Variants in SSH2 observed in about 807,000 individuals in gnomAD.
SSH2 encodes the protein protein phosphatase Slingshot homolog 2.
In SSH2, 37 loss-of-function variants were observed where a neutral mutation model predicts 135.2. The ratio of observed to expected loss-of-function variants is 0.27; its 90% CI spans 0.21 to 0.36. The LOEUF is 0.36. Ranked by LOEUF, SSH2 falls within the 10% of genes least tolerant of loss-of-function variation. SSH2 has a pLI of 1.00. For synonymous variants in SSH2, 628 were observed against 646.2 expected (o/e 0.97, Z 0.43); for missense variants, 1,408 against 1,765.3 (o/e 0.80, Z 3.63).
intron 3 of SSH2, among the ~76,000 whole-genome samples, chr17:29,722,607 T>C (rs995251526): frequency 6.6e-6 from 1 of 152,190 alleles, no homozygotes; most frequent in Non-Finnish European, 1.5e-5. Context: ...GAAGATAACA[T>C]GGCAGGAATG....
rs115048798 is a variant in SSH2, at chr17:29,631,641, C to G, written c.3553G>C (p.Val1185Leu). Reference sequence around the variant, plus strand: ...CTCTCCTGACTTTCTTCCCAGCTAACCTGTTCTGCAGAGGGCTCATCTGTA... The same window carrying G: ...CTCTCCTGACTTTCTTCCCAGCTAAGCTGTTCTGCAGAGGGCTCATCTGTA... Reference protein sequence around the residue: ...STTDEPSAEQVSWEESQESPL... With the variant: ...STTDEPSAEQLSWEESQESPL... Residue 1185 changes from valine to leucine, a missense_variant, in exon 16 of 16, where the codon GTT becomes CTT. Coordinates refer to ENST00000540801, the MANE Select transcript of SSH2 (RefSeq NM_001282129.2). The G allele has an allele frequency of 2.4e-4, 395 of 1,614,212 alleles. No individual in the cohort carries two copies. In the African/African-American group the frequency reaches 4.5e-3, roughly 19 times the overall value.
chr17:29,634,584 C>G (rs1020394812), intron 15 of SSH2, among the ~76,000 whole-genome samples: 1 of 152,158 alleles, frequency 6.6e-6, no homozygotes, highest in African/African-American at 2.4e-5. Flanking sequence ...GACGGAGTCT[C>G]GCTCTGTTGC....
chr17:29,752,409 C>A (rs1275728003), intron 3 of SSH2, among the ~76,000 whole-genome samples: 1 of 151,902 alleles, frequency 6.6e-6, no homozygotes, highest in Non-Finnish European at 1.5e-5. Flanking sequence ...TGTAGCATTT[C>A]AAATTAGTGA....
At chr17:29,910,326 T>TAA (rs11374383) in intron 1 of SSH2, among the ~76,000 whole-genome samples, 13 of 151,254 alleles carry the variant, frequency 8.6e-5, no homozygotes, top group South Asian at 2.1e-4. Context: ...TTGTAACCTA[T>TAA]AAAAAAAAAT....
In SSH2 at chr17:29,793,967, T is replaced by G. The variant is rs1322270343; in HGVS notation, c.145-30A>C. 1.9e-6 allele frequency: 3 copies of G among 1,563,798 alleles called. No individual in the cohort carries two copies. The South Asian group carries it at 3.4e-5, about 18-fold the overall frequency. On this transcript the variant is annotated intron_variant, in intron 2 of 15. Transcript: ENST00000540801. ...ATAGACAGAAAATGAAAAAAAAAAT[T>G]AAAACCTGAGGTTTCATATCATAAT...
intron 14 of SSH2, among the ~76,000 whole-genome samples, chr17:29,639,266 C>T (rs2036046801): frequency 6.6e-6 from 1 of 152,120 alleles, no homozygotes. Flanking sequence ...AAAACCCCAG[C>T]CAAAAAGAGA....
At chr17:29,669,320 A>C (rs1029572206) in intron 9 of SSH2, among the ~76,000 whole-genome samples, 5 of 152,208 alleles carry the variant, frequency 3.3e-5, no homozygotes, top group Admixed American at 1.3e-4. Context: ...ATTAAACAAC[A>C]TGTATGAAGT....
At chr17:29,678,718 T>TTC (rs978698750) in intron 6 of SSH2, among the ~76,000 whole-genome samples, 22 of 142,174 alleles carry the variant, frequency 1.5e-4, no homozygotes, top group African/African-American at 5.0e-4. Context: ...TATTTCTTTT[T>TTC]TTTTTTTTTT....
chr17:29,803,963 C>T (rs942314184), intron 2 of SSH2, among the ~76,000 whole-genome samples: 8 of 152,128 alleles, frequency 5.3e-5, no homozygotes, highest in Admixed American at 3.9e-4. Context: ...TACCTAGGCA[C>T]TCATAATCTG....
At chr17:29,910,441 C>A (rs538086221) in intron 1 of SSH2, among the ~76,000 whole-genome samples, 7 of 152,298 alleles carry the variant, frequency 4.6e-5, no homozygotes, top group Non-Finnish European at 7.3e-5. Context: ...TTAATTTGAG[C>A]ACCACAATCT....
At chr17:29,811,121 G>A (rs553117493) in intron 2 of SSH2, among the ~76,000 whole-genome samples, 3 of 151,982 alleles carry the variant, frequency 2.0e-5, no homozygotes, top group South Asian at 2.1e-4. Context: ...TCAGCCTCCC[G>A]AGTAGCTGCG....
At chr17:29,678,151 T>C (rs1017701417) in intron 6 of SSH2, among the ~76,000 whole-genome samples, 1 of 150,878 alleles carries the variant, frequency 6.6e-6, no homozygotes, top group Non-Finnish European at 1.5e-5. Context: ...TGGAGTGCAG[T>C]GGTGCAGTCT....
intron 2 of SSH2, among the ~76,000 whole-genome samples, chr17:29,834,745 T>C (rs1258279107): frequency 2.6e-5 from 4 of 152,134 alleles, no homozygotes; most frequent in Non-Finnish European, 4.4e-5. Context: ...CATCTATATT[T>C]TGTCACAGAG....
At position 29,632,004 on chromosome 17, in the gene SSH2, C is replaced by T. The variant is rs773505451; in HGVS notation, c.3190G>A (p.Gly1064Arg). The stretch of plus-strand genomic sequence containing the variant: ...TTCACTTTCCTCAGCCCTTGCTCTC[C>T]GCTCTTCTCACTGGTGGCTATTTCA... ...GSEIATSEKS[G>R]EQGLRKVNME... The change falls in exon 16 of 16, where the codon GGA becomes AGA. Residue 1064 changes from glycine to arginine, a missense_variant. Around this residue, in one of 3 missense-constraint regions of SSH2, gnomAD observed 1,080 missense variants for 1,144.5 expected, o/e 0.94. Transcript: ENST00000540801. 13 of 1,614,070 alleles carry T rather than the reference C, an allele frequency of 8.1e-6. 1 individual carries two copies. Among genetic ancestry groups the T allele is most frequent in the South Asian group, 3.3e-5 (3 of 91,082 alleles).
At chr17:29,759,060 A>AT (rs1336229219) in intron 3 of SSH2, among the ~76,000 whole-genome samples, 2 of 144,192 alleles carry the variant, frequency 1.4e-5, no homozygotes, top group Non-Finnish European at 3.0e-5. Flanking sequence ...ATTCTTTTTT[A>AT]TTTTTTTGAG....
chr17:29,720,385 A>G (rs1403363391), intron 3 of SSH2, among the ~76,000 whole-genome samples: 1 of 152,196 alleles, frequency 6.6e-6, no homozygotes, highest in Non-Finnish European at 1.5e-5. Context: ...CATCTCTTCT[A>G]TAGTTGTTTT....
chr17:29,731,084 T>C (rs1201516724), intron 3 of SSH2, among the ~76,000 whole-genome samples: 30 of 152,156 alleles, frequency 2.0e-4, no homozygotes, highest in Admixed American at 1.8e-3. Context: ...TTCACTTATG[T>C]CTGGGTGCCT....
intron 2 of SSH2, among the ~76,000 whole-genome samples, chr17:29,829,974 G>C (rs1360835217): frequency 6.6e-6 from 1 of 151,802 alleles, no homozygotes; most frequent in Middle Eastern, 3.2e-3. Flanking sequence ...CGAGTAGCTG[G>C]GACTACAGGT....
chr17:29,913,347 AATATATATATATATATATAT>A (rs56068605), intron 1 of SSH2, among the ~76,000 whole-genome samples: 22 of 28,786 alleles, frequency 7.6e-4, no homozygotes, highest in African/African-American at 2.4e-3. Flanking sequence ...AAAAAAAAAA[AATATATATATATATATATAT>A]ATATATATAT....
Sources: allele counts gnomAD v4.1 joint callset (sites outside exome capture counted in the v4.1 genomes callset), GRCh38; gene constraint gnomAD v4.1.1; regional missense constraint gnomAD v4.1.1; transcripts MANE v1.5; gene names NCBI Gene and HGNC (gene_info 2026-07-23, HGNC 2026-07-21).